ASCC1: variants seen among roughly 807,000 people sequenced by gnomAD.
The protein encoded by ASCC1 is activating signal cointegrator 1 complex subunit 1.
A neutral mutation model predicts 46.6 loss-of-function variants in ASCC1; 35 were observed. That is an observed-to-expected ratio of 0.75 (90% CI 0.57 to 0.99). The LOEUF is 0.99. Ranked by LOEUF, ASCC1 falls within the 50% of genes least tolerant of loss-of-function variation. The pLI is 0.00. For synonymous variants in ASCC1, 143 were observed against 146.6 expected (o/e 0.98, Z 0.18); for missense variants, 376 against 428.7 (o/e 0.88, Z 1.09).
chr10:72,144,531 C>G (rs1235523203), intron 7 of ASCC1, among the ~76,000 whole-genome samples: 8 of 152,084 alleles, frequency 5.3e-5, no homozygotes, highest in Non-Finnish European at 8.8e-5. Flanking sequence ...AATTTCTGCT[C>G]ATTCCACTTT....
In ASCC1 at chr10:72,203,527, G is replaced by A. The variant is rs769339491; in HGVS notation, c.213-3C>T. ...CCCCTCTCTTTCCAACTATATGCCT[G>A]TAACATAAAGTAATTAAAAGAAGAT... On this transcript the variant is annotated splice_region_variant and splice_polypyrimidine_tract_variant and intron_variant, in intron 3 of 9. Transcript: ENST00000672957. 15 of 1,565,788 alleles carry A rather than the reference G, an allele frequency of 9.6e-6. No individual in the cohort carries two copies. The highest frequency in any genetic ancestry group is 1.7e-4 in the Middle Eastern group (1 of 5,988).
chr10:72,103,780 G>T (rs3780945), intron 9 of ASCC1, among the ~76,000 whole-genome samples: 1 of 151,894 alleles, frequency 6.6e-6, no homozygotes, highest in Non-Finnish European at 1.5e-5. Flanking sequence ...AAAAGAATCC[G>T]AACAAACAGG....
intron 7 of ASCC1, among the ~76,000 whole-genome samples, chr10:72,134,854 C>T (rs1401992793): frequency 6.6e-6 from 1 of 152,054 alleles, no homozygotes; most frequent in Non-Finnish European, 1.5e-5. Context: ...GTACAACACT[C>T]GAGAAAAGAA....
At chr10:72,190,574 T>C (rs1854271781) in intron 5 of ASCC1, 11 of 1,338,202 alleles carry the variant, frequency 8.2e-6, no homozygotes, top group African/African-American at 1.5e-5. Flanking sequence ...CCATTATCGC[T>C]AATATAAGTA....
intron 3 of ASCC1, among the ~76,000 whole-genome samples, chr10:72,210,089 G>A (rs1413376603): frequency 2.6e-5 from 4 of 151,928 alleles, no homozygotes; most frequent in Middle Eastern, 3.5e-3. Flanking sequence ...AAAGGTCCCT[G>A]AGGCCTCCCC....
intron 7 of ASCC1, among the ~76,000 whole-genome samples, chr10:72,137,316 C>G (rs1348094188): frequency 6.6e-6 from 1 of 151,868 alleles, no homozygotes; most frequent in Non-Finnish European, 1.5e-5. Flanking sequence ...ATCACGAGGT[C>G]AGAAGTTCGA....
chr10:72,112,899 AAAC>A (rs1843088240), intron 9 of ASCC1, among the ~76,000 whole-genome samples: 1 of 150,972 alleles, frequency 6.6e-6, no homozygotes, highest in Admixed American at 6.6e-5. Context: ...AAAAAAAAAA[AAAC>A]CCCAACATAC....
rs144637875 is a variant in ASCC1 at position 72,213,259 on chromosome 10, G to A, written c.40C>T (p.Arg14Trp). The change falls in exon 2 of 10, where the codon CGG becomes TGG. Residue 14 changes from arginine (R) to tryptophan (W), a missense_variant. Physicochemically the swap from Arg to Trp is moderately radical, Grantham distance 101 (BLOSUM62 -3). Transcript: ENST00000672957. The part of the protein sequence containing the change: ...LRPQLIRIDG[R>W]NYRKNPVQEQ... ...TGGACTGGATTCTTCCTGTAATTCC[G>A]GCCATCAATTCTTATAAGCTGTGGA... is the stretch of plus-strand genomic sequence containing the variant. The A allele has an allele frequency of 8.1e-6, 13 of 1,613,788 alleles. No individual in the cohort carries two copies. The highest frequency in any genetic ancestry group is 1.7e-4 in the Middle Eastern group (1 of 6,058).
chr10:72,161,036 T>C (rs7100355), intron 6 of ASCC1, among the ~76,000 whole-genome samples: 20,099 of 151,922 alleles, frequency 0.13, 4,199 homozygotes, highest in African/African-American at 0.44. Flanking sequence ...TGAGCCGAGA[T>C]TGCGCCACTG....
intron 5 of ASCC1, among the ~76,000 whole-genome samples, chr10:72,176,865 A>C (rs1425805581): frequency 3.9e-5 from 6 of 152,040 alleles, no homozygotes; most frequent in Non-Finnish European, 1.5e-5. Context: ...CCCATTTGCC[A>C]GCCTGGCACA....
chr10:72,116,635 T>C (rs1843524009), intron 9 of ASCC1, among the ~76,000 whole-genome samples: 1 of 152,246 alleles, frequency 6.6e-6, no homozygotes, highest in Non-Finnish European at 1.5e-5. Context: ...AACTTCCAGT[T>C]CACGATTTCC....
chr10:72,172,699 A>AAT (rs10594627), intron 5 of ASCC1, among the ~76,000 whole-genome samples: 3 of 137,854 alleles, frequency 2.2e-5, no homozygotes, highest in Non-Finnish European at 3.1e-5. Context: ...AAAAATATAT[A>AAT]ATATATATAT....
intron 5 of ASCC1, among the ~76,000 whole-genome samples, chr10:72,169,358 T>G (rs1850765871): frequency 6.6e-6 from 1 of 152,038 alleles, no homozygotes; most frequent in Non-Finnish European, 1.5e-5. Context: ...GAGGATCACT[T>G]GAGTCCCAGA....
intron 4 of ASCC1, chr10:72,198,616 C>T: frequency 4.4e-6 from 2 of 455,738 alleles, no homozygotes; most frequent in Non-Finnish European, 8.8e-6. Context: ...AAGACCAGAT[C>T]CTTGTCTAGA....
At chr10:72,107,815 G>A (rs900794614) in intron 9 of ASCC1, among the ~76,000 whole-genome samples, 5 of 152,212 alleles carry the variant, frequency 3.3e-5, no homozygotes, top group African/African-American at 1.2e-4. Flanking sequence ...ATGTGATTAT[G>A]TGAGTCACTT....
intron 3 of ASCC1, among the ~76,000 whole-genome samples, chr10:72,206,063 C>T (rs898533646): frequency 6.7e-6 from 1 of 148,918 alleles, no homozygotes; most frequent in Non-Finnish European, 1.5e-5. Context: ...GAGATTGTGC[C>T]ATTCCACTCC....
intron 4 of ASCC1, among the ~76,000 whole-genome samples, chr10:72,199,083 A>G (rs1856085337): frequency 6.6e-6 from 1 of 151,504 alleles, no homozygotes; most frequent in Non-Finnish European, 1.5e-5. Context: ...CCAAAATGCT[A>G]GGATTACAGG....
intron 8 of ASCC1, among the ~76,000 whole-genome samples, chr10:72,129,200 G>A (rs1028035518): frequency 3.9e-5 from 6 of 152,018 alleles, no homozygotes; most frequent in South Asian, 2.1e-4. Context: ...TCCCAACCCC[G>A]TGCATATTTC....
chr10:72,207,893 C>T (rs1377176680), intron 3 of ASCC1, among the ~76,000 whole-genome samples: 1 of 151,790 alleles, frequency 6.6e-6, no homozygotes, highest in Non-Finnish European at 1.5e-5. Context: ...CTCACTGTAA[C>T]CTTGAACTTC....
Sources: gnomAD v4.1 joint callset for allele counts (sites outside exome capture counted in the v4.1 genomes callset) on GRCh38, gnomAD v4.1.1 for gene constraint, MANE v1.5 for transcripts, NCBI Gene and HGNC (gene_info 2026-07-23, HGNC 2026-07-21) for gene names.